Variants in SETDB1 observed in about 807,000 individuals in gnomAD.
SETDB1 encodes the protein histone-lysine N-methyltransferase SETDB1.
In SETDB1, 31 loss-of-function variants were observed where a neutral mutation model predicts 137.4. The ratio of observed to expected loss-of-function variants is 0.23; its 90% CI spans 0.17 to 0.30. The LOEUF is 0.30. SETDB1 is among the 10% of genes least tolerant of loss of function. The probability of loss-of-function intolerance (pLI) is 1.00; values close to 1 mark genes in which losing one functional copy is unlikely to be tolerated. For synonymous variants in SETDB1, 548 were observed against 579.9 expected (o/e 0.95, Z 0.79); for missense variants, 1,113 against 1,631.5 (o/e 0.68, Z 5.47).
chr1:150,930,288 A>G, intron 3 of SETDB1, 170 bp downstream of exon 3: 1 of 569,648 alleles, frequency 1.8e-6, no homozygotes, highest in Non-Finnish European at 3.1e-6. Context: ...AGTATCATAG[A>G]TGTTCCCTAT....
At position 150,939,974 on chromosome 1, in the gene SETDB1, G is replaced by A. The variant is rs1558015429; in HGVS notation, c.447G>A (p.Lys149=). ...DAGSRTPKDQ[K]LREAMAALRK... Reference sequence around the variant, plus strand: ...GGAGCAGAACTCCAAAAGACCAGAAGGTAAGTTAGGATGGTAAGGGAAGGG... The same window carrying A: ...GGAGCAGAACTCCAAAAGACCAGAAAGTAAGTTAGGATGGTAAGGGAAGGG... Residue 149 remains lysine (K), a splice_region_variant and synonymous_variant, in exon 4 of 22, where the codon AAG becomes AAA. Transcript: ENST00000692827. 1.2e-6 allele frequency: 2 copies of A among 1,611,748 alleles called. No individual in the cohort carries two copies. The highest frequency in any genetic ancestry group is 1.7e-6 in the Non-Finnish European group (2 of 1,178,154).
At chr1:150,938,826 C>CTT (rs368724725) in intron 3 of SETDB1, among the ~76,000 whole-genome samples, 94 of 131,956 alleles carry the variant, frequency 7.1e-4, no homozygotes, top group African/African-American at 1.7e-3. Context: ...TTTTATCCTA[C>CTT]TTTTTTTTTT....
Position 150,962,159 on chromosome 1 carries a change from G to A in SETDB1, c.3161+1G>A. On this transcript the variant is annotated splice_donor_variant, in intron 17 of 21. Coordinates refer to ENST00000692827, the MANE Select transcript of SETDB1 (RefSeq NM_001366418.1). LOFTEE classifies it high-confidence loss of function. ...CTGACGACCGAAACAAGATGTCAGT[G>A]TAAGTGCCTTTTGTTTTGTTTTGTT... 1 of 1,613,872 alleles carries A rather than the reference G, an allele frequency of 6.2e-7. No individual in the cohort carries two copies.
chr1:150,964,186 A>AC, intron 21 of SETDB1, 61 bp from the exon 22 acceptor site: 1 of 1,543,872 alleles, frequency 6.5e-7, no homozygotes, highest in East Asian at 2.2e-5. Flanking sequence ...ATATTCAGTA[A>AC]CCCCAAGTGC....
intron 12 of SETDB1, 63 bp downstream of exon 12, chr1:150,949,588 G>C (rs587673706): frequency 9.1e-5 from 135 of 1,481,474 alleles, no homozygotes; most frequent in Non-Finnish European, 3.7e-6. Context: ...GTAGGGGAAG[G>C]TTCCTTGGCT....
At chr1:150,960,485 A>G (rs1303127023) in intron 15 of SETDB1, 78 bp from the exon 16 acceptor site, 1 of 1,292,524 alleles carries the variant, frequency 7.7e-7, no homozygotes, top group African/African-American at 1.6e-5. Flanking sequence ...TGGAAAAAAA[A>G]AAAAAAAAAA....
chr1:150,935,183 C>T (rs888339366), intron 3 of SETDB1, among the ~76,000 whole-genome samples: 11 of 152,170 alleles, frequency 7.2e-5, no homozygotes, highest in African/African-American at 2.7e-4. Flanking sequence ...ATACGCCATC[C>T]CTGTGCCCTC....
intron 3 of SETDB1, among the ~76,000 whole-genome samples, chr1:150,936,038 G>T (rs1669935776): frequency 6.6e-6 from 1 of 152,184 alleles, no homozygotes; most frequent in Non-Finnish European, 1.5e-5. Context: ...CCAGGCTGGA[G>T]TGCAATGGCG....
intron 10 of SETDB1, 101 bp downstream of exon 10, chr1:150,947,113 A>T: frequency 1.5e-6 from 2 of 1,377,824 alleles, no homozygotes; most frequent in Non-Finnish European, 2.0e-6. Flanking sequence ...TACACTGTAT[A>T]CTCATTGGAA....
At chr1:150,962,457 A>T (rs867224902) in intron 17 of SETDB1, 130 bp from the exon 18 acceptor site, 2 of 877,308 alleles carry the variant, frequency 2.3e-6, no homozygotes, top group Middle Eastern at 6.5e-4. Context: ...GATTACAGCC[A>T]TGAGCTACCG....
At position 150,946,907 on chromosome 1, in the gene SETDB1, A is replaced by T; in HGVS notation, c.1162A>T (p.Ile388Phe). 6.2e-7 allele frequency: 1 copy of T among 1,613,900 alleles called. No homozygotes were observed. The highest frequency in any genetic ancestry group is 8.5e-7 in the Non-Finnish European group (1 of 1,179,940). The stretch of plus-strand genomic sequence containing the variant: ...CCAGGATGACAAAAGATGTGAGTGG[A>T]TCTATCGAGGCTCTACACGGCTGGA... ...LFLDDKRCEW[I>F]YRGSTRLEPM... Residue 388 changes from isoleucine (I) to phenylalanine (F), a missense_variant, in exon 10 of 22, where the codon ATC becomes TTC. Physicochemically the swap from Ile to Phe is conservative, Grantham distance 21. Coordinates refer to ENST00000692827, the MANE Select transcript of SETDB1 (RefSeq NM_001366418.1).
intron 9 of SETDB1, among the ~76,000 whole-genome samples, chr1:150,946,165 G>A (rs887701517): frequency 1.3e-5 from 2 of 151,900 alleles, no homozygotes; most frequent in African/African-American, 4.8e-5. Context: ...GACTACAAGT[G>A]CATGCCACCA....
intron 3 of SETDB1, among the ~76,000 whole-genome samples, chr1:150,939,356 C>G (rs1009472067): frequency 6.7e-6 from 1 of 149,234 alleles, no homozygotes; most frequent in African/African-American, 2.5e-5. Flanking sequence ...GAGCCAGAGT[C>G]TCGTTCTGTC....
chr1:150,929,824 A>G, intron 2 of SETDB1, 143 bp from the exon 3 acceptor site: 1 of 703,570 alleles, frequency 1.4e-6, no homozygotes, highest in South Asian at 2.0e-5. Context: ...AAAGCATTCT[A>G]AATTCTAAAC....
intron 16 of SETDB1, 68 bp downstream of exon 16, chr1:150,961,259 C>G: frequency 2.0e-6 from 3 of 1,472,700 alleles, no homozygotes; most frequent in Non-Finnish European, 2.8e-6. Flanking sequence ...GCAGTCTCAC[C>G]ATGAGTCTTT....
At chr1:150,930,704 A>AT (rs1327888516) in intron 3 of SETDB1, among the ~76,000 whole-genome samples, 1 of 151,112 alleles carries the variant, frequency 6.6e-6, no homozygotes, top group Non-Finnish European at 1.5e-5. Context: ...CACCCAGCTA[A>AT]TTTTTGTATT....
chr1:150,936,758 T>C (rs1260743066), intron 3 of SETDB1, among the ~76,000 whole-genome samples: 1 of 151,938 alleles, frequency 6.6e-6, no homozygotes. Context: ...CTATCATAGC[T>C]CACTTCGACT....
intron 3 of SETDB1, among the ~76,000 whole-genome samples, chr1:150,931,865 A>C (rs1669770154): frequency 6.6e-6 from 1 of 151,818 alleles, no homozygotes; most frequent in South Asian, 2.1e-4. Flanking sequence ...ATCCCCTTCT[A>C]ATCCTAGTTT....
rs117458846 is a variant in SETDB1 at position 150,943,769 on chromosome 1, A to G, written c.876-151A>G. The G allele has an allele frequency of 3.3e-4, 190 of 568,544 alleles. 2 individuals carry two copies. The East Asian group carries it at 5.4e-3, about 16-fold the overall frequency. 35.2% of individuals were successfully genotyped at this position (568,544 alleles called of 1,614,324 possible). A position where few individuals can be genotyped will look rare whatever the true frequency, so the allele number is the denominator to read the frequency against. On this transcript the variant is annotated intron_variant, in intron 7 of 21. Transcript: ENST00000692827. ...CTAACTCTCAAGTTGAGAAGAAAGAAAAACAGGAAGAAAGTAGTGGACTGG... is the reference window on the plus strand; with the variant it reads ...CTAACTCTCAAGTTGAGAAGAAAGAGAAACAGGAAGAAAGTAGTGGACTGG...
Sources: gnomAD v4.1 joint callset for allele counts (sites outside exome capture counted in the v4.1 genomes callset) on GRCh38, gnomAD v4.1.1 for gene constraint, MANE v1.5 for transcripts, NCBI Gene and HGNC (gene_info 2026-07-23, HGNC 2026-07-21) for gene names.